INVS: variants seen among roughly 807,000 people sequenced by gnomAD.
The protein encoded by INVS is inversin.
A neutral mutation model predicts 108.8 loss-of-function variants in INVS; 86 were observed. That is an observed-to-expected ratio of 0.79 (90% confidence interval 0.66 to 0.95). The LOEUF is 0.95. Ranked by LOEUF, INVS falls within the 40% of genes least tolerant of loss-of-function variation. The pLI, the probability that INVS is intolerant of heterozygous loss-of-function variation, is 0.00. For synonymous variants in INVS, 455 were observed against 473.5 expected (o/e 0.96, Z 0.51); for missense variants, 1,169 against 1,297.4 (o/e 0.90, Z 1.52).
At chr9:100,288,996 A>G (rs552985429) in intron 13 of INVS, among the ~76,000 whole-genome samples, 2 of 152,314 alleles carry the variant, frequency 1.3e-5, no homozygotes, top group South Asian at 4.1e-4. Flanking sequence ...ATGTTAAAAT[A>G]GTTTTATTTT....
chr9:100,236,002 A>C (rs1831677419), intron 5 of INVS, among the ~76,000 whole-genome samples: 1 of 152,050 alleles, frequency 6.6e-6, no homozygotes, highest in Non-Finnish European at 1.5e-5. Flanking sequence ...TTTCAGGTAC[A>C]CCAGCATAGG....
At chr9:100,177,412 C>T (rs1050136576) in intron 3 of INVS, among the ~76,000 whole-genome samples, 4 of 152,206 alleles carry the variant, frequency 2.6e-5, no homozygotes, top group African/African-American at 9.6e-5. Flanking sequence ...AGTCTGAAGT[C>T]GACCTGGGAC....
chr9:100,248,589 G>C (rs1390722563), intron 8 of INVS, among the ~76,000 whole-genome samples: 1 of 152,042 alleles, frequency 6.6e-6, no homozygotes, highest in Non-Finnish European at 1.5e-5. Context: ...TCAGGAAAAT[G>C]TCAATATTAT....
intron 1 of INVS, among the ~76,000 whole-genome samples, chr9:100,100,662 TATTA>T (rs1216971237): frequency 4.4e-5 from 2 of 45,582 alleles, no homozygotes; most frequent in African/African-American, 3.3e-4. Context: ...ATAATATATA[TATTA>T]TATATGTACA....
At position 100,226,096 on chromosome 9, in the gene INVS, G is replaced by C. The variant is rs758802357; in HGVS notation, c.308G>C (p.Arg103Pro). 6.2e-7 allele frequency: 1 copy of C among 1,613,186 alleles called. No individual in the cohort carries two copies. The highest frequency in any genetic ancestry group is 8.5e-7 in the Non-Finnish European group (1 of 1,179,686). Residue 103 changes from arginine (R) to proline (P), a missense_variant, in exon 4 of 17, where the codon CGC becomes CCC. By Grantham distance (103) the Arg-to-Pro change is moderately radical. Transcript: ENST00000262457. ...NYRFMKLLLT[R>P]RANWMQKDLE... is the part of the protein sequence containing the mutation. ...CGTTTCATGAAACTCTTACTTACACGCAGAGCAAACTGGATGCAAAAGGAT... is the reference window on the plus strand; with the variant it reads ...CGTTTCATGAAACTCTTACTTACACCCAGAGCAAACTGGATGCAAAAGGAT...
At chr9:100,242,212 C>G (rs1222135793) in intron 6 of INVS, among the ~76,000 whole-genome samples, 1 of 152,164 alleles carries the variant, frequency 6.6e-6, no homozygotes, top group Non-Finnish European at 1.5e-5. Flanking sequence ...GCAGTGAAGG[C>G]TAAGAGGGCT....
At chr9:100,297,487 G>A (rs755796173) in intron 15 of INVS, among the ~76,000 whole-genome samples, 1 of 152,112 alleles carries the variant, frequency 6.6e-6, no homozygotes, top group African/African-American at 2.4e-5. Context: ...CCCATTTGGA[G>A]CATTCACGAC....
At chr9:100,171,242 T>C (rs1488104117) in intron 3 of INVS, among the ~76,000 whole-genome samples, 7 of 152,198 alleles carry the variant, frequency 4.6e-5, no homozygotes, top group African/African-American at 1.7e-4. Context: ...ATTTTTACTG[T>C]ATTTTTTCTA....
chr9:100,106,150 AG>A (rs892484049), intron 2 of INVS, among the ~76,000 whole-genome samples: 1 of 152,170 alleles, frequency 6.6e-6, no homozygotes, highest in Non-Finnish European at 1.5e-5. Context: ...GACATTAAGT[AG>A]GAACTCCCTC....
chr9:100,180,341 C>G (rs527373679), intron 3 of INVS, among the ~76,000 whole-genome samples: 1 of 107,788 alleles, frequency 9.3e-6, no homozygotes, highest in East Asian at 2.0e-4. Context: ...AATCCAGGAG[C>G]TGGTTTTTTT....
intron 3 of INVS, among the ~76,000 whole-genome samples, chr9:100,213,708 G>A (rs1192521319): frequency 6.6e-6 from 1 of 152,112 alleles, no homozygotes; most frequent in Non-Finnish European, 1.5e-5. Flanking sequence ...TGCTTCCCTT[G>A]CCCCCAGAGA....
At chr9:100,260,361 TATA>T (rs1401333161) in intron 10 of INVS, among the ~76,000 whole-genome samples, 1 of 151,914 alleles carries the variant, frequency 6.6e-6, no homozygotes, top group Non-Finnish European at 1.5e-5. Flanking sequence ...GGCTAATTTT[TATA>T]ATGTTTTTAG....
chr9:100,247,885 T>G lies in INVS; in HGVS notation c.1078+1098T>G, dbSNP rs369715176. 2.4e-4 allele frequency among the ~76,000 whole-genome samples: 37 copies of G among 152,302 alleles called. 1 individual carries two copies. Among genetic ancestry groups the G allele is most frequent in the African/African-American group, 7.9e-4 (33 of 41,578 alleles). On this transcript the variant is annotated intron_variant, in intron 8 of 16. Coordinates refer to ENST00000262457, the MANE Select transcript of INVS (RefSeq NM_014425.5). ...GTGCAGTGGCATGATCTTGGCTCAC[T>G]GCAACCTCTGCCTCCCAGGTTCAAG... is the stretch of plus-strand genomic sequence containing the variant.
intron 1 of INVS, chr9:100,101,726 A>G (rs1826999476): frequency 6.6e-6 from 1 of 152,184 alleles, no homozygotes; most frequent in Non-Finnish European, 1.5e-5. Flanking sequence ...AGTAACAGCG[A>G]TTGGCGTGAC....
intron 3 of INVS, among the ~76,000 whole-genome samples, chr9:100,205,286 G>A (rs889646624): frequency 1.3e-5 from 2 of 152,010 alleles, no homozygotes; most frequent in African/African-American, 2.4e-5. Context: ...TGCATCTGTT[G>A]GTAGCCTTTC....
intron 13 of INVS, among the ~76,000 whole-genome samples, chr9:100,290,477 G>A (rs1833578366): frequency 6.6e-6 from 1 of 152,082 alleles, no homozygotes; most frequent in Non-Finnish European, 1.5e-5. Context: ...AGCCTCCGGA[G>A]TAGCTGGGAT....
chr9:100,221,864 ATTAG>A lies in INVS; in HGVS notation c.274-4194_274-4191del, dbSNP rs199567422. Among the ~76,000 whole-genome samples, 665 of 152,264 alleles carry A rather than the reference ATTAG, an allele frequency of 4.4e-3. 4 individuals carry two copies. The highest frequency in any genetic ancestry group is 0.015 in the African/African-American group (638 of 41,562). Reference sequence around the variant, plus strand: ...ATTATTATAATTGTTCTATTTTATTATTAGTTATTGTTAATCTTTTACTGTGCCT... The same window carrying A: ...ATTATTATAATTGTTCTATTTTATTATTATTGTTAATCTTTTACTGTGCCT... On this transcript the variant is annotated intron_variant, in intron 3 of 16. Coordinates refer to ENST00000262457, the MANE Select transcript of INVS (RefSeq NM_014425.5).
At chr9:100,102,714 A>G (rs1827037761) in intron 1 of INVS, 1 of 152,362 alleles carries the variant, frequency 6.6e-6, no homozygotes, top group African/African-American at 2.4e-5. Context: ...GGAGTAGAAG[A>G]CCACCAGGCT....
intron 15 of INVS, 129 bp downstream of exon 15, chr9:100,297,275 GTAT>G (rs1441946511): frequency 8.8e-6 from 7 of 796,396 alleles, no homozygotes; most frequent in Admixed American, 2.1e-5. Context: ...AAAATTAATT[GTAT>G]TATTAAAAAT....
Sources: gnomAD v4.1 joint callset for allele counts (sites outside exome capture counted in the v4.1 genomes callset) on GRCh38, gnomAD v4.1.1 for gene constraint, MANE v1.5 for transcripts, NCBI Gene and HGNC (gene_info 2026-07-23, HGNC 2026-07-21) for gene names.